GALNT18: variants seen among roughly 807,000 people sequenced by gnomAD.
GALNT18 encodes polypeptide N-acetylgalactosaminyltransferase 18.
GALNT18 carries 44 observed loss-of-function variants against 69.5 expected under a neutral mutation model. The observed-to-expected ratio is 0.63, with a 90% CI of 0.50 to 0.81. GALNT18 has a LOEUF of 0.81. GALNT18 is among the 40% of genes least tolerant of loss of function. The pLI is 0.00. For synonymous variants in GALNT18, 364 were observed against 318.2 expected (o/e 1.14, Z -1.53); for missense variants, 715 against 810.0 (o/e 0.88, Z 1.42).
At chr11:11,594,458 C>G (rs112884591) in intron 1 of GALNT18, among the ~76,000 whole-genome samples, 3,535 of 152,274 alleles carry the variant, frequency 0.023, 136 homozygotes, top group African/African-American at 0.08. Context: ...TACCCACTAG[C>G]AGTCATTCCC....
At chr11:11,529,987 G>C (rs1398285694) in intron 1 of GALNT18, among the ~76,000 whole-genome samples, 1 of 152,190 alleles carries the variant, frequency 6.6e-6, no homozygotes, top group East Asian at 1.9e-4. Flanking sequence ...GAGCAAGGCA[G>C]CTGGAAGACA....
intron 6 of GALNT18, among the ~76,000 whole-genome samples, chr11:11,364,790 G>T (rs1003794349): frequency 1.3e-5 from 2 of 152,096 alleles, no homozygotes; most frequent in Non-Finnish European, 2.9e-5. Flanking sequence ...ATCTATTTTG[G>T]ATACATACTG....
chr11:11,496,700 C>T lies in GALNT18; in HGVS notation c.236-47764G>A, dbSNP rs190499996. On this transcript the variant is annotated intron_variant, in intron 1 of 10. Coordinates refer to ENST00000227756, the MANE Select transcript of GALNT18 (RefSeq NM_198516.3). The surrounding 1 kb of genome is among the most constrained non-coding windows in gnomAD (Gnocchi z 4.0). ...CAAGCTGATGGGAAACACTGAGCCTCGGTTTCCTTGTGAGGATCCCCCACT... is the reference window on the plus strand; with the variant it reads ...CAAGCTGATGGGAAACACTGAGCCTTGGTTTCCTTGTGAGGATCCCCCACT... 1.3e-4 allele frequency among the ~76,000 whole-genome samples: 20 copies of T among 152,224 alleles called. No homozygotes were observed. The highest frequency in any genetic ancestry group is 4.6e-4 in the African/African-American group (19 of 41,546).
intron 3 of GALNT18, among the ~76,000 whole-genome samples, chr11:11,423,169 CA>C (rs1855050304): frequency 6.6e-6 from 1 of 152,176 alleles, no homozygotes; most frequent in Non-Finnish European, 1.5e-5. Flanking sequence ...TTAACACATA[CA>C]TGTGTGCACA....
intron 10 of GALNT18, among the ~76,000 whole-genome samples, chr11:11,292,178 A>G (rs1221614654): frequency 6.6e-6 from 1 of 152,008 alleles, no homozygotes; most frequent in Non-Finnish European, 1.5e-5. Flanking sequence ...AGGCTCCACA[A>G]CCCCATGGGC....
In GALNT18 at chr11:11,584,744, A is replaced by G. The variant is rs1859172688; in HGVS notation, c.235+36615T>C. On this transcript the variant is annotated intron_variant, in intron 1 of 10. Transcript: ENST00000227756. The surrounding 1 kb of genome is among the most constrained non-coding windows in gnomAD (Gnocchi z 4.1). ...TGTCTCAAGAGAAAGAGCTTATACA[A>G]TCGAGGTGGACAATGAACTACGTAC... Among the ~76,000 whole-genome samples, 1 of 152,220 alleles carries G rather than the reference A, an allele frequency of 6.6e-6. No homozygotes were observed. Among genetic ancestry groups the G allele is most frequent in the Non-Finnish European group, 1.5e-5 (1 of 68,040 alleles).
At position 11,402,680 on chromosome 11, in the gene GALNT18, C is replaced by G. The variant is rs956889335; in HGVS notation, c.596-23416G>C. ...ATGGATAGAGCCAGTGTCCCAAAAA[C>G]TCTTTAAGGAACTATAAATCCCAGT... On this transcript the variant is annotated intron_variant, in intron 3 of 10. Transcript: ENST00000227756. The surrounding 1 kb of genome is among the most constrained non-coding windows in gnomAD (Gnocchi z 4.0). Among the ~76,000 whole-genome samples, 1 of 152,206 alleles carries G rather than the reference C, an allele frequency of 6.6e-6. No individual in the cohort carries two copies.
At chr11:11,354,911 C>T (rs147078238) in intron 6 of GALNT18, among the ~76,000 whole-genome samples, 114 of 152,262 alleles carry the variant, frequency 7.5e-4, no homozygotes, top group African/African-American at 2.6e-3. Context: ...TCATCTGTAG[C>T]AATGTCTTCT....
chr11:11,489,785 A>AT (rs1486091907), intron 1 of GALNT18, among the ~76,000 whole-genome samples: 6 of 152,166 alleles, frequency 3.9e-5, no homozygotes, highest in Admixed American at 3.9e-4. Flanking sequence ...TAGCAACCCA[A>AT]TAAGGTAGGT....
At chr11:11,441,161 T>C (rs1353411072) in intron 2 of GALNT18, among the ~76,000 whole-genome samples, 1 of 152,186 alleles carries the variant, frequency 6.6e-6, no homozygotes, top group African/African-American at 2.4e-5. Context: ...AACATTATAC[T>C]TCTATTAATA....
chr11:11,621,848 A>G lies in GALNT18; in HGVS notation c.-255T>C, dbSNP rs1286916757. On this transcript the variant is annotated 5_prime_UTR_variant, in exon 1 of 11. Transcript: ENST00000227756. This position sits in a 1 kb window ranked among gnomAD's most constrained non-coding sequence, Gnocchi z 9.3. ...TTTTTTCCAAATTAAAAATCCCTGAACCCTTCCTAGAGGGGTCACGGGTAG... is the reference window on the plus strand; with the variant it reads ...TTTTTTCCAAATTAAAAATCCCTGAGCCCTTCCTAGAGGGGTCACGGGTAG... The G allele has an allele frequency of 3.9e-6, 2 of 509,038 alleles. No homozygotes were observed. The highest frequency in any genetic ancestry group is 7.1e-6 in the Non-Finnish European group (2 of 282,882). 31.5% of individuals were successfully genotyped at this position (509,038 alleles called of 1,614,324 possible).
At chr11:11,375,743 C>T (rs1238109368) in intron 5 of GALNT18, among the ~76,000 whole-genome samples, 1 of 152,128 alleles carries the variant, frequency 6.6e-6, no homozygotes, top group East Asian at 1.9e-4. Flanking sequence ...TGTAAAAGAC[C>T]CTTGTACATA....
Position 11,372,318 on chromosome 11 carries a change from T to C in GALNT18, c.1092+197A>G, listed in dbSNP as rs1850927065. The stretch of plus-strand genomic sequence containing the variant: ...ATGCTCCCTCCCCCAGCCAAGCTGG[T>C]TCTGAAGTCCTCTTCTTCCTGAAAA... On this transcript the variant is annotated intron_variant, in intron 6 of 10. Coordinates refer to ENST00000227756, the MANE Select transcript of GALNT18 (RefSeq NM_198516.3). The surrounding 1 kb of genome is among the most constrained non-coding windows in gnomAD (Gnocchi z 4.9). 6.6e-6 allele frequency among the ~76,000 whole-genome samples: 1 copy of C among 152,142 alleles called. No individual in the cohort carries two copies. Among genetic ancestry groups the C allele is most frequent in the African/African-American group, 2.4e-5 (1 of 41,430 alleles).
At chr11:11,455,457 T>C (rs1365765958) in intron 1 of GALNT18, among the ~76,000 whole-genome samples, 1 of 152,076 alleles carries the variant, frequency 6.6e-6, no homozygotes, top group East Asian at 1.9e-4. Context: ...GAAAAGATGC[T>C]TGAATTGAAG....
chr11:11,285,855 G>A (rs538321169), intron 10 of GALNT18, among the ~76,000 whole-genome samples: 35 of 152,220 alleles, frequency 2.3e-4, no homozygotes, highest in Admixed American at 3.3e-4. Flanking sequence ...TCGTCTTTGC[G>A]TGCGTTACTC....
chr11:11,394,415 G>A (rs1269493115), intron 3 of GALNT18, among the ~76,000 whole-genome samples: 1 of 152,146 alleles, frequency 6.6e-6, no homozygotes, highest in Non-Finnish European at 1.5e-5. Context: ...GAGATTGTGA[G>A]GGCCTTAGAA....
At position 11,319,628 on chromosome 11, in the gene GALNT18, G is replaced by A. The variant is rs536322784; in HGVS notation, c.1512+7458C>T. On this transcript the variant is annotated intron_variant, in intron 9 of 10. Coordinates refer to ENST00000227756, the MANE Select transcript of GALNT18 (RefSeq NM_198516.3). Reference sequence around the variant, plus strand: ...AGCCCTTAGGAATTTCTTAGCTTAAGAGCCTACATGGTATAAAAATCCTTC... The same window carrying A: ...AGCCCTTAGGAATTTCTTAGCTTAAAAGCCTACATGGTATAAAAATCCTTC... Among the ~76,000 whole-genome samples, 9 of 152,310 alleles carry A rather than the reference G, an allele frequency of 5.9e-5. No homozygotes were observed. The East Asian group carries it at 1.5e-3, about 26-fold the overall frequency.
At chr11:11,350,231 C>T (rs997861799) in intron 6 of GALNT18, among the ~76,000 whole-genome samples, 12 of 152,224 alleles carry the variant, frequency 7.9e-5, no homozygotes, top group Non-Finnish European at 2.9e-5. Context: ...AGTAATGTGT[C>T]ATTCTCAGCA....
intron 1 of GALNT18, among the ~76,000 whole-genome samples, chr11:11,548,315 C>A (rs568620095): frequency 6.6e-6 from 1 of 152,260 alleles, no homozygotes; most frequent in South Asian, 2.1e-4. Context: ...GCATGGAACA[C>A]CCTAGTGAGA....
Sources: allele counts gnomAD v4.1 joint callset (sites outside exome capture counted in the v4.1 genomes callset), GRCh38; gene constraint gnomAD v4.1.1; non-coding constraint Gnocchi (gnomAD v3.1); transcripts MANE v1.5; gene names NCBI Gene and HGNC (gene_info 2026-07-23, HGNC 2026-07-21).